The following SEMA3D variants were observed in gnomAD, a reference collection of about 807,000 sequenced individuals.
SEMA3D encodes the protein semaphorin-3D.
A neutral mutation model predicts 100.1 loss-of-function variants in SEMA3D; 84 were observed. That is an observed-to-expected ratio of 0.84 (90% CI 0.70 to 1.01). The LOEUF is 1.01. Among genes scored for constraint, SEMA3D ranks in the 50% least tolerant of loss-of-function variants. The probability of loss-of-function intolerance (pLI) is 0.00; values close to 1 mark genes in which losing one functional copy is unlikely to be tolerated. For missense variants in SEMA3D, 875 were observed against 934.1 expected (o/e 0.94, Z 0.82); for synonymous variants, 312 against 320.7 (o/e 0.97, Z 0.29).
At chr7:85,008,765 G>A (rs1343840764) in intron 17 of SEMA3D, among the ~76,000 whole-genome samples, 1 of 151,716 alleles carries the variant, frequency 6.6e-6, no homozygotes, top group African/African-American at 2.4e-5. Flanking sequence ...AGGAATGATG[G>A]TGATGCCATG....
At chr7:85,046,259 A>C (rs925109838) in intron 9 of SEMA3D, among the ~76,000 whole-genome samples, 5 of 151,948 alleles carry the variant, frequency 3.3e-5, no homozygotes, top group Non-Finnish European at 7.4e-5. Flanking sequence ...GTTCATTTTC[A>C]AACATTTCCT....
the SEMA3D span, among the ~76,000 whole-genome samples, chr7:85,201,134 C>A: frequency 6.6e-6 from 1 of 152,122 alleles, no homozygotes; most frequent in Admixed American, 6.5e-5. Flanking sequence ...GTCTTCATTT[C>A]AGGGGAGGAA....
intron 13 of SEMA3D, 30 bp from the exon 14 acceptor site, chr7:85,020,351 TG>T (rs1205559495): frequency 2.0e-6 from 3 of 1,529,756 alleles, no homozygotes; most frequent in Non-Finnish European, 2.7e-6. Flanking sequence ...ATGATCCCAT[TG>T]TTTCTATCTC....
At chr7:85,200,748 C>G in the SEMA3D span, among the ~76,000 whole-genome samples, 1 of 152,166 alleles carries the variant, frequency 6.6e-6, no homozygotes, top group African/African-American at 2.4e-5. Context: ...TGATAGAGGT[C>G]TTCAGGGCAG....
At chr7:85,125,680 A>G (rs1789547471) in intron 2 of SEMA3D, among the ~76,000 whole-genome samples, 1 of 152,080 alleles carries the variant, frequency 6.6e-6, no homozygotes, top group Non-Finnish European at 1.5e-5. Context: ...TTTCTTCCCA[A>G]CAATCCTATA....
chr7:85,208,384 T>C, the SEMA3D span, among the ~76,000 whole-genome samples: 15 of 152,184 alleles, frequency 9.9e-5, no homozygotes, highest in Admixed American at 5.9e-4. Context: ...AAAGAAGCTC[T>C]AGTGTTCAGA....
intron 10 of SEMA3D, 59 bp from the exon 11 acceptor site, chr7:85,040,801 G>T: frequency 1.3e-6 from 1 of 786,090 alleles, no homozygotes; most frequent in Non-Finnish European, 2.2e-6. Flanking sequence ...TTGCTTTTTT[G>T]TTAATAACAC....
chr7:85,159,254 T>G (rs1028753299), intron 1 of SEMA3D, among the ~76,000 whole-genome samples: 2 of 152,122 alleles, frequency 1.3e-5, no homozygotes, highest in African/African-American at 4.8e-5. Flanking sequence ...CATCTTCAAA[T>G]TTTTCATTGC....
chr7:85,249,241 C>G, the SEMA3D span, among the ~76,000 whole-genome samples: 18 of 152,242 alleles, frequency 1.2e-4, 1 homozygote, highest in South Asian at 3.7e-3. Flanking sequence ...CTCCCCAAAA[C>G]ATATAATCCC....
intron 5 of SEMA3D, among the ~76,000 whole-genome samples, chr7:85,073,723 T>G (rs1791842102): frequency 6.6e-6 from 1 of 152,230 alleles, no homozygotes; most frequent in Non-Finnish European, 1.5e-5. Context: ...CAATTCTTAT[T>G]GACCAGATGC....
At chr7:85,076,823 C>T (rs752469181) in intron 5 of SEMA3D, among the ~76,000 whole-genome samples, 8 of 152,138 alleles carry the variant, frequency 5.3e-5, no homozygotes, top group South Asian at 4.1e-4. Context: ...GGGCTGTGCG[C>T]GGTGGCTCAC....
intron 4 of SEMA3D, among the ~76,000 whole-genome samples, chr7:85,097,415 T>C (rs1788593845): frequency 1.3e-5 from 2 of 151,890 alleles, no homozygotes; most frequent in African/African-American, 2.4e-5. Flanking sequence ...ATTTGTGAAC[T>C]GAAAGTTAAT....
chr7:85,060,449 G>T (rs1013329679), intron 8 of SEMA3D, among the ~76,000 whole-genome samples: 1 of 152,038 alleles, frequency 6.6e-6, no homozygotes, highest in Admixed American at 6.6e-5. Context: ...TTTAATCAGT[G>T]CATACTTGAT....
At chr7:85,128,224 G>A (rs1271953999) in intron 2 of SEMA3D, among the ~76,000 whole-genome samples, 1 of 151,798 alleles carries the variant, frequency 6.6e-6, no homozygotes, top group Non-Finnish European at 1.5e-5. Context: ...CAGGAGTGCA[G>A]TGGAGCAATA....
intron 2 of SEMA3D, chr7:85,144,643 G>T: frequency 2.0e-6 from 2 of 984,710 alleles, no homozygotes; most frequent in Non-Finnish European, 2.4e-6. Context: ...TTGGGAACTG[G>T]CCTGCAATAT....
chr7:85,233,040 T>C, the SEMA3D span, among the ~76,000 whole-genome samples: 1 of 152,108 alleles, frequency 6.6e-6, no homozygotes, highest in African/African-American at 2.4e-5. Flanking sequence ...GGAAAGAAAA[T>C]CTACATTTAA....
intron 17 of SEMA3D, 30 bp downstream of exon 17, chr7:85,012,752 G>A: frequency 6.5e-7 from 1 of 1,549,536 alleles, no homozygotes; most frequent in Non-Finnish European, 8.9e-7. Context: ...ATTTTAAATG[G>A]GAGAAAAAGC....
chr7:85,141,061 T>C, intron 2 of SEMA3D: 1 of 876,272 alleles, frequency 1.1e-6, no homozygotes, highest in Non-Finnish European at 1.4e-6. Flanking sequence ...TCACTATGTT[T>C]TCATTTTATT....
At chr7:85,093,323 C>T (rs1462801695) in intron 4 of SEMA3D, among the ~76,000 whole-genome samples, 2 of 151,786 alleles carry the variant, frequency 1.3e-5, no homozygotes, top group African/African-American at 4.8e-5. Context: ...TTCTGGCCAA[C>T]GAGATGAAAG....
Sources: gnomAD v4.1 joint callset for allele counts (sites outside exome capture counted in the v4.1 genomes callset) on GRCh38, gnomAD v4.1.1 for gene constraint, MANE v1.5 for transcripts, NCBI Gene and HGNC (gene_info 2026-07-23, HGNC 2026-07-21) for gene names.